ELF1: variants seen among roughly 807,000 people sequenced by gnomAD.
ELF1 encodes ETS-related transcription factor Elf-1.
A neutral mutation model predicts 59.9 loss-of-function variants in ELF1; 24 were observed. That is an observed-to-expected ratio of 0.40 (90% CI 0.29 to 0.56). The LOEUF is 0.56. Among genes scored for constraint, ELF1 ranks in the 20% least tolerant of loss-of-function variants. The pLI is 0.44. For synonymous variants in ELF1, 248 were observed against 266.2 expected, an observed-to-expected ratio of 0.93 and a Z score of 0.67; for missense variants, 627 against 742.2, an observed-to-expected ratio of 0.84 and a Z score of 1.80.
chr13:40,985,013 C>T (rs1286673259), intron 1 of ELF1, among the ~76,000 whole-genome samples: 1 of 152,204 alleles, frequency 6.6e-6, no homozygotes. Flanking sequence ...ACTGAAATGG[C>T]TCCCCACAAT....
At chr13:41,048,745 A>T (rs1468474603) in intron 1 of ELF1, among the ~76,000 whole-genome samples, 1 of 139,270 alleles carries the variant, frequency 7.2e-6, no homozygotes, top group Non-Finnish European at 1.6e-5. Context: ...TTTTTCCTTT[A>T]AAAAAAAAAA....
At chr13:41,038,832 A>T (rs1246128183) in intron 1 of ELF1, among the ~76,000 whole-genome samples, 1 of 151,824 alleles carries the variant, frequency 6.6e-6, no homozygotes, top group Non-Finnish European at 1.5e-5. Context: ...CCTGGCCAAC[A>T]TGGTGAAACC....
Sources: allele counts gnomAD v4.1 joint callset (sites outside exome capture counted in the v4.1 genomes callset), GRCh38; gene constraint gnomAD v4.1.1; transcripts MANE v1.5; gene names NCBI Gene and HGNC (gene_info 2026-07-23, HGNC 2026-07-21).